The following LRP1B variants were observed in gnomAD, a reference collection of about 807,000 sequenced individuals.
LRP1B encodes the protein LDL receptor related protein 1B, also known as low-density lipoprotein receptor-related protein 1B.
A neutral mutation model predicts 556.6 loss-of-function variants in LRP1B; 217 were observed. That is an observed-to-expected ratio of 0.39 (90% CI 0.35 to 0.44). LRP1B has a LOEUF of 0.44. Among genes scored for constraint, LRP1B ranks in the 20% least tolerant of loss-of-function variants. The pLI is 1.00. For synonymous variants in LRP1B, 2,047 were observed against 1,865.8 expected (o/e 1.10, Z -2.50); for missense variants, 5,053 against 5,620.8 (o/e 0.90, Z 3.23).
chr2:140,505,271 C>A (rs1558928772), intron 53 of LRP1B, among the ~76,000 whole-genome samples: 1 of 152,004 alleles, frequency 6.6e-6, no homozygotes, highest in African/African-American at 2.4e-5. Context: ...GTGAAGTGAC[C>A]TTTTCAAGGT....
intron 43 of LRP1B, among the ~76,000 whole-genome samples, 195 bp from the exon 44 acceptor site, chr2:140,542,166 G>T (rs575626393): frequency 6.6e-6 from 1 of 151,788 alleles, no homozygotes; most frequent in Non-Finnish European, 1.5e-5. Context: ...TGTAGTCATT[G>T]TTAGTGCTTG....
intron 1 of LRP1B, among the ~76,000 whole-genome samples, chr2:142,122,890 C>T (rs758328515): frequency 6.6e-5 from 10 of 151,996 alleles, no homozygotes; most frequent in Non-Finnish European, 1.5e-4. Context: ...TTTGGAAATG[C>T]ACAAAATGTC....
intron 83 of LRP1B, among the ~76,000 whole-genome samples, chr2:140,309,476 G>A (rs1235712114): frequency 6.6e-6 from 1 of 151,726 alleles, no homozygotes; most frequent in African/African-American, 2.4e-5. Context: ...GTCTGGTATT[G>A]CTCTCACCAT....
rs1054731456 is a variant in LRP1B at position 140,444,812 on chromosome 2, G to T, written c.10058-133C>A. On this transcript the variant is annotated intron_variant, in intron 63 of 90. Coordinates refer to ENST00000389484, the MANE Select transcript of LRP1B (RefSeq NM_018557.3). ...ATACAATGTGAATGTCTCTCATCTC[G>T]ATAGCTATTAGATTCAAATGTTTAG... The T allele has an allele frequency of 8.1e-6, 5 of 619,686 alleles. No homozygotes were observed. The Admixed American group carries it at 1.2e-4, about 15-fold the overall frequency. 38.4% of individuals were successfully genotyped at this position (619,686 alleles called of 1,614,324 possible). A position where few individuals can be genotyped will look rare whatever the true frequency, so the allele number is the denominator to read the frequency against.
At chr2:140,640,533 C>G (rs1684254924) in intron 41 of LRP1B, among the ~76,000 whole-genome samples, 1 of 150,112 alleles carries the variant, frequency 6.7e-6, no homozygotes, top group South Asian at 2.1e-4. Flanking sequence ...GTAGCTGGGA[C>G]TACAGGCGCC....
At chr2:141,209,831 T>C (rs1049288987) in intron 6 of LRP1B, among the ~76,000 whole-genome samples, 2 of 151,584 alleles carry the variant, frequency 1.3e-5, no homozygotes, top group Non-Finnish European at 2.9e-5. Flanking sequence ...TGGAGGGAGG[T>C]AGACCATAAA....
chr2:140,779,755 AGTGTGTGTGTGT>A (rs70988440), intron 32 of LRP1B, among the ~76,000 whole-genome samples: 1 of 135,308 alleles, frequency 7.4e-6, no homozygotes, highest in Non-Finnish European at 1.6e-5. Flanking sequence ...TCTGTGAGAG[AGTGTGTGTGTGT>A]GTGTGTGTGT....
chr2:141,715,229 A>G (rs1013806544), intron 2 of LRP1B, among the ~76,000 whole-genome samples: 1 of 152,106 alleles, frequency 6.6e-6, no homozygotes, highest in Non-Finnish European at 1.5e-5. Context: ...GCCCTTTGGG[A>G]AGCCAAGGTG....
At chr2:140,291,464 C>T (rs1683386591) in intron 84 of LRP1B, among the ~76,000 whole-genome samples, 1 of 151,324 alleles carries the variant, frequency 6.6e-6, no homozygotes, top group African/African-American at 2.4e-5. Context: ...TCCTCACTCC[C>T]CCCACCCCAC....
At chr2:140,914,119 AT>A (rs1694505200) in intron 21 of LRP1B, among the ~76,000 whole-genome samples, 2 of 152,094 alleles carry the variant, frequency 1.3e-5, no homozygotes, top group African/African-American at 4.8e-5. Flanking sequence ...CGACTGAAAG[AT>A]TTTTTTAAAG....
intron 2 of LRP1B, among the ~76,000 whole-genome samples, chr2:141,601,595 C>T (rs939959282): frequency 7.4e-6 from 1 of 134,888 alleles, no homozygotes; most frequent in African/African-American, 2.7e-5. Context: ...TATTGTAGCA[C>T]TCCTTTCCTT....
At chr2:141,779,183 T>G (rs561155344) in intron 2 of LRP1B, among the ~76,000 whole-genome samples, 1 of 152,242 alleles carries the variant, frequency 6.6e-6, no homozygotes, top group South Asian at 2.1e-4. Flanking sequence ...ATTCCTTAAC[T>G]TCCTGGGTCT....
intron 2 of LRP1B, among the ~76,000 whole-genome samples, chr2:141,579,871 T>G (rs1269764813): frequency 6.6e-6 from 1 of 151,950 alleles, no homozygotes; most frequent in African/African-American, 2.4e-5. Flanking sequence ...GGCTAACTTT[T>G]TTGTATTTTT....
chr2:141,013,663 T>C lies in LRP1B; in HGVS notation c.2273A>G (p.Asn758Ser). ...GNYVFWTDYMNGSIFQLDLIT... is the reference protein window; with the variant it reads ...GNYVFWTDYMSGSIFQLDLIT... ...CAAATCTAGTTGAAAAATGGAACCA[T>C]TCATATAATCAGTCCAGAACACATA... Residue 758 changes from asparagine (N) to serine (S), a missense_variant, in exon 14 of 91, where the codon AAT (asparagine) becomes AGT (serine). Asn to Ser is a conservative substitution (Grantham distance 46, BLOSUM62 1). Coordinates refer to ENST00000389484, the MANE Select transcript of LRP1B (RefSeq NM_018557.3). 6.2e-7 allele frequency: 1 copy of C among 1,612,196 alleles called. No individual in the cohort carries two copies. Among genetic ancestry groups the C allele is most frequent in the Non-Finnish European group, 8.5e-7 (1 of 1,178,980 alleles).
chr2:141,277,190 T>C lies in LRP1B; in HGVS notation c.344-22549A>G, dbSNP rs188250968. ...TTCCTGGGTCAAACGATAGTTCTGTTTCAAGCTATTTGAGAAATCGCCAAC... is the reference window on the plus strand; with the variant it reads ...TTCCTGGGTCAAACGATAGTTCTGTCTCAAGCTATTTGAGAAATCGCCAAC... On this transcript the variant is annotated intron_variant, in intron 3 of 90. Coordinates refer to ENST00000389484, the MANE Select transcript of LRP1B (RefSeq NM_018557.3). Among the ~76,000 whole-genome samples, 123 of 152,198 alleles carry C rather than the reference T, an allele frequency of 8.1e-4. No homozygotes were observed. In the East Asian group the frequency reaches 0.022, roughly 28 times the overall value.
In LRP1B at chr2:142,061,011, G is replaced by A. The variant is rs558181571; in HGVS notation, c.82+69637C>T. On this transcript the variant is annotated intron_variant, in intron 1 of 90. Transcript: ENST00000389484. ...GAAGTTAGAACTTGAGATATAAGAGGATTTAGGTGAATGAAAGCAGGGCTA... is the reference window on the plus strand; with the variant it reads ...GAAGTTAGAACTTGAGATATAAGAGAATTTAGGTGAATGAAAGCAGGGCTA... Among the ~76,000 whole-genome samples, 4 of 151,976 alleles carry A rather than the reference G, an allele frequency of 2.6e-5. No individual in the cohort carries two copies. The East Asian group carries it at 5.8e-4, about 22-fold the overall frequency.
rs1168356384 is a variant in LRP1B, at chr2:141,464,600, A to ATTT, written c.343+15795_343+15796insAAA. ...GCTAATTTTGTATATATATATATAT[A>ATTT]TATATATTTTTTTAGTAGAGATGGG... On this transcript the variant is annotated intron_variant, in intron 3 of 90. Transcript: ENST00000389484. Among the ~76,000 whole-genome samples the ATTT allele has an allele frequency of 3.4e-3, 259 of 76,262 alleles. 7 individuals carry two copies. Among genetic ancestry groups the ATTT allele is most frequent in the East Asian group, 9.8e-3 (35 of 3,584 alleles). 50.0% of individuals were successfully genotyped at this position (76,262 alleles called of 152,430 possible).
chr2:140,511,925 C>T (rs931222481), intron 51 of LRP1B, among the ~76,000 whole-genome samples: 3 of 152,066 alleles, frequency 2.0e-5, no homozygotes, highest in Admixed American at 2.0e-4. Flanking sequence ...TTTAAGCTTG[C>T]CATGAAACCA....
At chr2:141,783,797 G>A (rs899351664) in intron 2 of LRP1B, among the ~76,000 whole-genome samples, 17 of 151,588 alleles carry the variant, frequency 1.1e-4, no homozygotes, top group African/African-American at 2.2e-4. Context: ...GTACTAAAAT[G>A]AAAAACATTC....
Sources: gnomAD v4.1 joint callset for allele counts (sites outside exome capture counted in the v4.1 genomes callset) on GRCh38, gnomAD v4.1.1 for gene constraint, MANE v1.5 for transcripts, NCBI Gene and HGNC (gene_info 2026-07-23, HGNC 2026-07-21) for gene names.